The following ERC1 variants were observed in gnomAD, a reference collection of about 807,000 sequenced individuals.
ERC1 encodes the protein RAB6 interacting protein 2.
In ERC1, 56 loss-of-function variants were observed where a neutral mutation model predicts 132.0. That is an observed-to-expected ratio of 0.42 (90% CI 0.34 to 0.53). The LOEUF is 0.53. ERC1 is among the 20% of genes least tolerant of loss of function. The pLI, the probability that ERC1 is intolerant of heterozygous loss-of-function variation, is 0.03. For missense variants in ERC1, 1,202 were observed against 1,349.9 expected (o/e 0.89, Z 1.72); for synonymous variants, 478 against 476.1 (o/e 1.00, Z -0.05).
At chr12:1,226,565 A>T (rs1594361956) in intron 12 of ERC1, among the ~76,000 whole-genome samples, 1 of 152,174 alleles carries the variant, frequency 6.6e-6, no homozygotes, top group Non-Finnish European at 1.5e-5. Flanking sequence ...CCTTTGACAA[A>T]CATCTTCCAC....
chr12:1,017,789 A>G (rs1965753866), intron 1 of ERC1, among the ~76,000 whole-genome samples: 1 of 152,152 alleles, frequency 6.6e-6, no homozygotes, highest in Non-Finnish European at 1.5e-5. Flanking sequence ...GTGAGCCACC[A>G]TGCCCAGCCC....
At chr12:1,438,954 A>AAAAAAAAAT (rs1015181197) in intron 17 of ERC1, among the ~76,000 whole-genome samples, 1 of 143,580 alleles carries the variant, frequency 7.0e-6, no homozygotes, top group African/African-American at 2.6e-5. Context: ...TTTAAAAAAA[A>AAAAAAAAAT]ATATATATAT....
At chr12:1,011,229 C>G (rs1002466685) in intron 1 of ERC1, among the ~76,000 whole-genome samples, 1 of 152,022 alleles carries the variant, frequency 6.6e-6, no homozygotes, top group Non-Finnish European at 1.5e-5. Context: ...GACAAGGTCT[C>G]ACTCCGTCAC....
chr12:1,490,240 A>T lies in ERC1; in HGVS notation c.*10A>T. 1 of 1,612,948 alleles carries T rather than the reference A, an allele frequency of 6.2e-7. No homozygotes were observed. The highest frequency in any genetic ancestry group is 8.5e-7 in the Non-Finnish European group (1 of 1,179,296). ...GGAAGAGTCCTCTTGACCCTGCTTT[A>T]TGGGGAAGCCTGAGGTAGTCAACCC... On this transcript the variant is annotated 3_prime_UTR_variant, in exon 19 of 19. Transcript: ENST00000360905.
At chr12:1,249,757 C>T (rs559139474) in intron 13 of ERC1, among the ~76,000 whole-genome samples, 6 of 152,188 alleles carry the variant, frequency 3.9e-5, no homozygotes, top group African/African-American at 1.2e-4. Flanking sequence ...ATTTATTTCT[C>T]ACAGTTCTGT....
intron 18 of ERC1, among the ~76,000 whole-genome samples, chr12:1,464,795 C>A (rs1174743695): frequency 6.6e-6 from 1 of 151,998 alleles, no homozygotes; most frequent in Non-Finnish European, 1.5e-5. Context: ...GCTGGGATTA[C>A]AGGCGTGAGC....
At chr12:1,334,718 T>G (rs1009535157) in intron 15 of ERC1, among the ~76,000 whole-genome samples, 1 of 152,186 alleles carries the variant, frequency 6.6e-6, no homozygotes, top group Admixed American at 6.5e-5. Context: ...GTTGGGGATC[T>G]TTTTTGGTTT....
At chr12:1,269,942 G>A in intron 14 of ERC1, among the ~76,000 whole-genome samples, 1 of 152,154 alleles carries the variant, frequency 6.6e-6, no homozygotes, top group East Asian at 1.9e-4. Context: ...GCATATTGGT[G>A]TTAAGATAAT....
At chr12:1,052,582 T>C (rs1972212962) in intron 2 of ERC1, among the ~76,000 whole-genome samples, 2 of 152,190 alleles carry the variant, frequency 1.3e-5, no homozygotes, top group African/African-American at 2.4e-5. Context: ...ATCAGTCTTT[T>C]AGGCAACCAA....
At chr12:1,415,317 G>T (rs553568440) in intron 17 of ERC1, among the ~76,000 whole-genome samples, 2 of 152,166 alleles carry the variant, frequency 1.3e-5, no homozygotes, top group South Asian at 4.1e-4. Context: ...GTTGGTCTTG[G>T]TATAAGAACA....
chr12:1,134,951 C>T (rs1378485024), intron 7 of ERC1, among the ~76,000 whole-genome samples: 2 of 152,084 alleles, frequency 1.3e-5, no homozygotes, highest in Admixed American at 6.5e-5. Flanking sequence ...TGGTCTTGAA[C>T]TCCCGACCTC....
At chr12:1,416,230 G>C (rs1489611105) in intron 17 of ERC1, among the ~76,000 whole-genome samples, 1 of 152,222 alleles carries the variant, frequency 6.6e-6, no homozygotes, top group Admixed American at 6.5e-5. Flanking sequence ...AAACTAAGTG[G>C]TTTCTGAGTT....
In ERC1 at chr12:1,419,173, A is replaced by G. The variant is rs114524298; in HGVS notation, c.3024+10926A>G. On this transcript the variant is annotated intron_variant, in intron 17 of 18. Coordinates refer to ENST00000360905, the MANE Select transcript of ERC1 (RefSeq NM_178040.4). ...TCTCCCCTAAGAATATTCCCATAAG[A>G]ATATCCAATTATAAATAAGACTAAC... Among the ~76,000 whole-genome samples the G allele has an allele frequency of 9.5e-3, 1,439 of 152,268 alleles. 29 individuals are homozygous for G. Among genetic ancestry groups the G allele is most frequent in the African/African-American group, 0.033 (1,387 of 41,524 alleles).
intron 12 of ERC1, among the ~76,000 whole-genome samples, chr12:1,213,921 A>G (rs1958125574): frequency 6.6e-6 from 1 of 152,106 alleles, no homozygotes; most frequent in Admixed American, 6.5e-5. Flanking sequence ...AAGAAAAAAA[A>G]TAAGGAAAAG....
intron 5 of ERC1, among the ~76,000 whole-genome samples, chr12:1,110,614 C>T (rs145278623): frequency 9.9e-4 from 151 of 152,312 alleles, no homozygotes; most frequent in African/African-American, 3.5e-3. Flanking sequence ...GTTTTCATAT[C>T]TATTAGTACT....
intron 14 of ERC1, among the ~76,000 whole-genome samples, chr12:1,273,998 G>A (rs1363636543): frequency 6.6e-6 from 1 of 152,194 alleles, no homozygotes; most frequent in African/African-American, 2.4e-5. Flanking sequence ...AATGGTGGAA[G>A]ACTAGATCAC....
At chr12:1,298,529 C>G (rs146916126) in intron 15 of ERC1, among the ~76,000 whole-genome samples, 1 of 134,170 alleles carries the variant, frequency 7.5e-6, no homozygotes, top group Admixed American at 8.2e-5. Flanking sequence ...GACGACAGAA[C>G]GAGACTCTGT....
At chr12:1,376,353 C>A (rs2087910818) in intron 16 of ERC1, among the ~76,000 whole-genome samples, 2 of 152,190 alleles carry the variant, frequency 1.3e-5, no homozygotes, top group Non-Finnish European at 2.9e-5. Context: ...AGGAAAATGT[C>A]AACTCCCAAG....
At chr12:1,265,508 CTAT>C (rs752385196) in intron 14 of ERC1, among the ~76,000 whole-genome samples, 5 of 152,186 alleles carry the variant, frequency 3.3e-5, no homozygotes, top group South Asian at 2.1e-4. Context: ...TCAGTTTCCC[CTAT>C]TATTAACATG....
Sources: gnomAD v4.1 joint callset for allele counts (sites outside exome capture counted in the v4.1 genomes callset) on GRCh38, gnomAD v4.1.1 for gene constraint, MANE v1.5 for transcripts, NCBI Gene and HGNC (gene_info 2026-07-23, HGNC 2026-07-21) for gene names.